The following ZFPM2 variants were observed in gnomAD, a reference collection of about 807,000 sequenced individuals.
The protein encoded by ZFPM2 is zinc finger protein, FOG family member 2.
A neutral mutation model predicts 98.6 loss-of-function variants in ZFPM2; 20 were observed. The ratio of observed to expected loss-of-function variants is 0.20; its 90% confidence interval spans 0.14 to 0.29. The LOEUF (loss-of-function observed/expected upper bound fraction) is 0.29. Ranked by LOEUF, ZFPM2 falls within the 10% of genes least tolerant of loss-of-function variation. The pLI, the probability that ZFPM2 is intolerant of heterozygous loss-of-function variation, is 1.00. For synonymous variants in ZFPM2, 518 were observed against 502.7 expected, an observed-to-expected ratio of 1.03 and a Z score of -0.41; for missense variants, 1,310 against 1,388.6, an observed-to-expected ratio of 0.94 and a Z score of 0.90.
chr8:105,589,135 C>T (rs1235167292), intron 4 of ZFPM2, among the ~76,000 whole-genome samples: 1 of 152,212 alleles, frequency 6.6e-6, no homozygotes, highest in Non-Finnish European at 1.5e-5. Context: ...ATGGAGCCCC[C>T]TCTAATCCTG....
intron 1 of ZFPM2, among the ~76,000 whole-genome samples, chr8:105,398,729 A>T (rs1811274264): frequency 6.6e-6 from 1 of 152,002 alleles, no homozygotes; most frequent in Non-Finnish European, 1.5e-5. Flanking sequence ...TTCCCTGGCC[A>T]CTCACCTCTT....
Position 105,489,374 on chromosome 8 carries a change from T to TTATATATTTATAGATATATATTTTA in ZFPM2, c.301+45013_301+45037dup, listed in dbSNP as rs1563682290. Among the ~76,000 whole-genome samples, 1,160 of 145,400 alleles carry TTATATATTTATAGATATATATTTTA rather than the reference T, an allele frequency of 8.0e-3. 35 individuals carry two copies. The highest frequency in any genetic ancestry group is 0.028 in the African/African-American group (1,092 of 38,698). Reference sequence around the variant, plus strand: ...TATATATATATTTATAGGTATATATTTATATATTTATAGATATATATTTTA... The same window carrying TTATATATTTATAGATATATATTTTA: ...TATATATATATTTATAGGTATATATTTATATATTTATAGATATATATTTTATATATATTTATAGATATATATTTTA... On this transcript the variant is annotated intron_variant, in intron 3 of 7. Transcript: ENST00000407775.
intron 3 of ZFPM2, among the ~76,000 whole-genome samples, chr8:105,525,933 T>C (rs1156615665): frequency 6.6e-6 from 1 of 152,148 alleles, no homozygotes; most frequent in Non-Finnish European, 1.5e-5. Context: ...CATGGACATA[T>C]TTTTATCAGC....
At chr8:105,444,420 T>A (rs1812326212) in intron 3 of ZFPM2, 39 bp downstream of exon 3, 1 of 1,460,844 alleles carries the variant, frequency 6.8e-7, no homozygotes, top group African/African-American at 1.4e-5. Flanking sequence ...TCTTTAGTAC[T>A]GTTAGAAATA....
intron 4 of ZFPM2, among the ~76,000 whole-genome samples, chr8:105,590,426 A>G (rs1815816784): frequency 6.6e-6 from 1 of 152,144 alleles, no homozygotes; most frequent in Non-Finnish European, 1.5e-5. Context: ...TTACAACTTT[A>G]TTACCCATTT....
chr8:105,643,358 C>G (rs1287144242), intron 5 of ZFPM2, among the ~76,000 whole-genome samples: 2 of 152,092 alleles, frequency 1.3e-5, no homozygotes, highest in African/African-American at 4.8e-5. Context: ...TCCAGGTTAC[C>G]CAATGTGGAT....
At chr8:105,620,018 A>G (rs531646024) in intron 4 of ZFPM2, among the ~76,000 whole-genome samples, 70 of 152,300 alleles carry the variant, frequency 4.6e-4, no homozygotes, top group African/African-American at 1.5e-3. Flanking sequence ...TTATAACAGC[A>G]TGATTTATAA....
At chr8:105,361,450 T>C (rs1372753450) in intron 1 of ZFPM2, among the ~76,000 whole-genome samples, 1 of 151,198 alleles carries the variant, frequency 6.6e-6, no homozygotes, top group South Asian at 2.1e-4. Context: ...GTAGTTTCTT[T>C]TGCTGTGCAG....
chr8:105,664,959 C>T (rs1194090332), intron 5 of ZFPM2, among the ~76,000 whole-genome samples: 3 of 152,118 alleles, frequency 2.0e-5, no homozygotes, highest in Non-Finnish European at 4.4e-5. Context: ...GGCAAAAATT[C>T]ACTGTTTTAG....
rs922402217 is a variant in ZFPM2, at chr8:105,791,828, T to C, written c.739+2904T>C. On this transcript the variant is annotated intron_variant, in intron 6 of 7. Coordinates refer to ENST00000407775, the MANE Select transcript of ZFPM2 (RefSeq NM_012082.4). The stretch of plus-strand genomic sequence containing the variant: ...CCTGGTTTAGTCTTGGGAGAGTGTA[T>C]GTGTCGAGGAATTTATCCATTTCTT... 2.6e-5 allele frequency among the ~76,000 whole-genome samples: 4 copies of C among 152,284 alleles called. No individual in the cohort carries two copies. In the East Asian group the frequency reaches 7.7e-4, roughly 29 times the overall value.
At chr8:105,588,046 A>C (rs7840923) in intron 4 of ZFPM2, among the ~76,000 whole-genome samples, 109,741 of 152,120 alleles carry the variant, frequency 0.72, 41,468 homozygotes, top group African/African-American at 0.92. Flanking sequence ...TTTAAGCTAT[A>C]TTTAGCCTTT....
rs111268514 is a variant in ZFPM2 at position 105,589,458 on chromosome 8, C to T, written c.420+27977C>T. Among the ~76,000 whole-genome samples the T allele has an allele frequency of 6.0e-3, 914 of 152,144 alleles. 9 individuals carry two copies. The highest frequency in any genetic ancestry group is 0.02 in the African/African-American group (841 of 41,516). On this transcript the variant is annotated intron_variant, in intron 4 of 7. Transcript: ENST00000407775. Reference sequence around the variant, plus strand: ...TACTTTGCCAACAAAGCTCAAAAAACGAACTTAAGAGAAATTAAGGATTCA... The same window carrying T: ...TACTTTGCCAACAAAGCTCAAAAAATGAACTTAAGAGAAATTAAGGATTCA...
intron 5 of ZFPM2, among the ~76,000 whole-genome samples, chr8:105,733,291 A>G (rs1342084545): frequency 6.6e-6 from 1 of 151,872 alleles, no homozygotes; most frequent in Non-Finnish European, 1.5e-5. Context: ...TTAGTTGCAC[A>G]TTGGCTAATT....
intron 4 of ZFPM2, among the ~76,000 whole-genome samples, chr8:105,571,106 C>A (rs1230400292): frequency 6.6e-6 from 1 of 152,260 alleles, no homozygotes; most frequent in Non-Finnish European, 1.5e-5. Context: ...GTCACATAAC[C>A]TTTTCCCACA....
chr8:105,651,124 C>T (rs1817164204), intron 5 of ZFPM2, among the ~76,000 whole-genome samples: 1 of 152,084 alleles, frequency 6.6e-6, no homozygotes, highest in South Asian at 2.1e-4. Context: ...TGACAAGTCT[C>T]TCCATATATA....
At chr8:105,670,822 G>C (rs1270933765) in intron 5 of ZFPM2, among the ~76,000 whole-genome samples, 1 of 152,112 alleles carries the variant, frequency 6.6e-6, no homozygotes, top group African/African-American at 2.4e-5. Context: ...TTGTATTATA[G>C]CATTTTCAAA....
intron 3 of ZFPM2, among the ~76,000 whole-genome samples, chr8:105,558,319 T>C (rs2130690072): frequency 6.6e-6 from 1 of 152,288 alleles, no homozygotes; most frequent in South Asian, 2.1e-4. Flanking sequence ...ATTTAACTGT[T>C]TCAGCATAAG....
At chr8:105,427,079 T>C (rs180825220) in intron 2 of ZFPM2, among the ~76,000 whole-genome samples, 147 of 152,286 alleles carry the variant, frequency 9.7e-4, no homozygotes, top group African/African-American at 3.3e-3. Context: ...ATAGTTTTTG[T>C]TTGGAATGAG....
Position 105,336,797 on chromosome 8 carries a change from A to G in ZFPM2, c.40+17816A>G, listed in dbSNP as rs144318398. Among the ~76,000 whole-genome samples, 3 of 151,834 alleles carry G rather than the reference A, an allele frequency of 2.0e-5. No individual in the cohort carries two copies. In the East Asian group the frequency reaches 5.8e-4, roughly 29 times the overall value. ...ACATTATAGATGTAGATATAGATGTATAGATATAGATATCTATAAACCAGT... is the reference window on the plus strand; with the variant it reads ...ACATTATAGATGTAGATATAGATGTGTAGATATAGATATCTATAAACCAGT... On this transcript the variant is annotated intron_variant, in intron 1 of 7. Transcript: ENST00000407775.
Sources: allele counts gnomAD v4.1 joint callset (sites outside exome capture counted in the v4.1 genomes callset), GRCh38; gene constraint gnomAD v4.1.1; transcripts MANE v1.5; gene names NCBI Gene and HGNC (gene_info 2026-07-23, HGNC 2026-07-21).